The following LHPP variants were observed in gnomAD, a reference collection of about 807,000 sequenced individuals.
LHPP encodes phospholysine phosphohistidine inorganic pyrophosphate phosphatase, also known as hLHPP.
In LHPP, 24 loss-of-function variants were observed where a neutral mutation model predicts 30.3. That is an observed-to-expected ratio of 0.79 (90% CI 0.57 to 1.11). The LOEUF (loss-of-function observed/expected upper bound fraction) is 1.11. Ranked by LOEUF, LHPP falls within the 50% of genes most tolerant of loss-of-function variation. LHPP has a pLI of 0.00. For missense variants in LHPP, 356 were observed against 367.2 expected (o/e 0.97, Z 0.25); for synonymous variants, 150 against 157.1 (o/e 0.95, Z 0.34).
At chr10:124,516,632 C>T (rs1954461698) in intron 5 of LHPP, among the ~76,000 whole-genome samples, 1 of 152,136 alleles carries the variant, frequency 6.6e-6, no homozygotes, top group Admixed American at 6.5e-5. Flanking sequence ...GAGAGTTTAT[C>T]CCAGAGGCTA....
At chr10:124,601,555 C>T (rs1949021319) in intron 6 of LHPP, among the ~76,000 whole-genome samples, 1 of 152,226 alleles carries the variant, frequency 6.6e-6, no homozygotes. Flanking sequence ...CACCACCAGT[C>T]CCTCTCAGTG....
chr10:124,527,059 C>T (rs1232433543), intron 6 of LHPP, among the ~76,000 whole-genome samples: 3 of 152,188 alleles, frequency 2.0e-5, no homozygotes, highest in Non-Finnish European at 4.4e-5. Context: ...AGAGCCTGCC[C>T]GCCACAGAGC....
intron 6 of LHPP, among the ~76,000 whole-genome samples, chr10:124,539,292 T>A (rs1955115265): frequency 1.3e-5 from 2 of 152,226 alleles, no homozygotes; most frequent in Non-Finnish European, 2.9e-5. Flanking sequence ...GGCCACGTCC[T>A]GCTCAGGGCA....
In LHPP at chr10:124,610,983, G is replaced by A. The variant is rs76105308; in HGVS notation, c.717-2281G>A. On this transcript the variant is annotated intron_variant, in intron 6 of 6. Transcript: ENST00000368842. The stretch of plus-strand genomic sequence containing the variant: ...GGTGAGGGTGCGGGTGAGGGTGCTG[G>A]TGGAGCGGGTGAGGGTGTTAATGAA... Among the ~76,000 whole-genome samples, 35 of 69,160 alleles carry A rather than the reference G, an allele frequency of 5.1e-4. 2 individuals carry two copies. Among genetic ancestry groups the A allele is most frequent in the Middle Eastern group, 8.9e-3 (1 of 112 alleles). 45.4% of individuals were successfully genotyped at this position (69,160 alleles called of 152,430 possible).
At chr10:124,601,402 C>T (rs1448410268) in intron 6 of LHPP, among the ~76,000 whole-genome samples, 1 of 152,212 alleles carries the variant, frequency 6.6e-6, no homozygotes, top group Non-Finnish European at 1.5e-5. Flanking sequence ...GGGGGCCTTA[C>T]GTACGTGAAT....
rs1564767856 is a variant in LHPP at position 124,471,462 on chromosome 10, TATTTATATATTATATA to T, written c.125+9476_125+9491del. Among the ~76,000 whole-genome samples, 25 of 5,746 alleles carry T rather than the reference TATTTATATATTATATA, an allele frequency of 4.4e-3. 5 individuals are homozygous for T. The highest frequency in any genetic ancestry group is 0.02 in the Admixed American group (3 of 150). 3.8% of individuals were successfully genotyped at this position (5,746 alleles called of 152,430 possible). On this transcript the variant is annotated intron_variant, in intron 1 of 6. Transcript: ENST00000368842. ...TTATATATATTTATATATTTATATA[TATTTATATATTATATA>T]TATTTATATATTTATATATATTTAT...
At chr10:124,610,346 GGTGAGGGT>G (rs1949157428) in intron 6 of LHPP, among the ~76,000 whole-genome samples, 1 of 146,772 alleles carries the variant, frequency 6.8e-6, no homozygotes, top group African/African-American at 2.6e-5. Flanking sequence ...TGATGGAGCG[GGTGAGGGT>G]GCGGGTGAGG....
In LHPP at chr10:124,593,931, C is replaced by T. The variant is rs76617240; in HGVS notation, c.717-19333C>T. Among the ~76,000 whole-genome samples, 2,321 of 152,356 alleles carry T rather than the reference C, an allele frequency of 0.015. 57 individuals carry two copies. Among genetic ancestry groups the T allele is most frequent in the African/African-American group, 0.052 (2,176 of 41,586 alleles). On this transcript the variant is annotated intron_variant, in intron 6 of 6. Coordinates refer to ENST00000368842, the MANE Select transcript of LHPP (RefSeq NM_022126.4). The surrounding 1 kb of genome is among the most constrained non-coding windows in gnomAD (Gnocchi z 4.9). ...CTCCCACAGCTATTGAACACCAGGT[C>T]CTTGCTGCGTCTGGCTGGGCTGCAG...
intron 6 of LHPP, among the ~76,000 whole-genome samples, chr10:124,529,173 A>C (rs1435668206): frequency 1.3e-5 from 2 of 151,368 alleles, no homozygotes; most frequent in African/African-American, 4.9e-5. Context: ...CTGGGACTAC[A>C]GGCACCCACC....
chr10:124,561,548 A>G (rs952288845), intron 6 of LHPP, among the ~76,000 whole-genome samples: 1 of 151,864 alleles, frequency 6.6e-6, no homozygotes, highest in Non-Finnish European at 1.5e-5. Context: ...AACAGTGACA[A>G]TGGAGCCCGC....
intron 6 of LHPP, among the ~76,000 whole-genome samples, chr10:124,525,907 T>C (rs1157055448): frequency 6.6e-6 from 1 of 151,922 alleles, no homozygotes; most frequent in East Asian, 1.9e-4. Flanking sequence ...GGAAAACCGG[T>C]GGGCTGAGGG....
rs201225627 is a variant in LHPP, at chr10:124,498,107, G to A, written c.603G>A (p.Ala201=). Residue 201 remains alanine (A), a synonymous_variant, in exon 5 of 7, where the codon GCG becomes GCA. Transcript: ENST00000368842. ...AGTTTTTCAAGTCTGCCCTGCAAGC[G>A]ATAGGAGTGGAAGCCCACCAGGTAG... The part of the protein sequence containing the change: ...SPEFFKSALQ[A]IGVEAHQAVM... 5.0e-6 allele frequency: 8 copies of A among 1,613,666 alleles called. No individual in the cohort carries two copies. Among genetic ancestry groups the A allele is most frequent in the Admixed American group, 3.3e-5 (2 of 59,994 alleles).
intron 6 of LHPP, among the ~76,000 whole-genome samples, chr10:124,530,759 C>G (rs1310249001): frequency 6.6e-6 from 1 of 152,232 alleles, no homozygotes; most frequent in Non-Finnish European, 1.5e-5. Flanking sequence ...GACACTGACC[C>G]TCTCCTCTGC....
At chr10:124,604,005 A>G (rs1038281170) in intron 6 of LHPP, among the ~76,000 whole-genome samples, 3 of 152,228 alleles carry the variant, frequency 2.0e-5, no homozygotes, top group African/African-American at 7.2e-5. Context: ...GGACCAGGTC[A>G]GAGTCCTTTG....
chr10:124,526,421 C>A (rs147755509), intron 6 of LHPP, among the ~76,000 whole-genome samples: 56 of 152,302 alleles, frequency 3.7e-4, no homozygotes, highest in African/African-American at 1.2e-3. Context: ...TGCCCAAGGC[C>A]ACACAGCCTA....
At chr10:124,575,660 CTT>C (rs889105548) in intron 6 of LHPP, among the ~76,000 whole-genome samples, 1 of 152,134 alleles carries the variant, frequency 6.6e-6, no homozygotes, top group Non-Finnish European at 1.5e-5. Context: ...CTGGCTGGCC[CTT>C]GTGTCTGTCT....
Position 124,517,322 on chromosome 10 carries a change from C to A in LHPP, c.716+51C>A. The A allele has an allele frequency of 8.6e-7, 1 of 1,163,448 alleles. No homozygotes were observed. Among genetic ancestry groups the A allele is most frequent in the South Asian group, 1.5e-5 (1 of 67,914 alleles). The allele number at this position is 1,163,448 out of a possible 1,614,324, so 72.1% of individuals were successfully genotyped here. ...TCACCTTCCTTCCAGGGGATGACCA[C>A]ATTCTCATTCTGTTTTGTTCTTCAA... On this transcript the variant is annotated intron_variant, in intron 6 of 6. Coordinates refer to ENST00000368842, the MANE Select transcript of LHPP (RefSeq NM_022126.4). The surrounding 1 kb of genome is among the most constrained non-coding windows in gnomAD (Gnocchi z 4.1).
Position 124,476,239 on chromosome 10 carries a change from C to T in LHPP, c.126-7900C>T, listed in dbSNP as rs547193468. ...CAGCTCCTGCGTCACTGTGTCTCTT[C>T]TCTCCATTCAAACTTTGGACTCTGA... On this transcript the variant is annotated intron_variant, in intron 1 of 6. Coordinates refer to ENST00000368842, the MANE Select transcript of LHPP (RefSeq NM_022126.4). Among the ~76,000 whole-genome samples, 3 of 152,310 alleles carry T rather than the reference C, an allele frequency of 2.0e-5. No homozygotes were observed. The East Asian group carries it at 5.8e-4, about 29-fold the overall frequency.
intron 6 of LHPP, among the ~76,000 whole-genome samples, chr10:124,566,185 C>T (rs1196608941): frequency 6.6e-6 from 1 of 152,200 alleles, no homozygotes; most frequent in Non-Finnish European, 1.5e-5. Context: ...TTGAAGTGGG[C>T]CAGGTCCTGG....
Sources: gnomAD v4.1 joint callset for allele counts (sites outside exome capture counted in the v4.1 genomes callset) on GRCh38, gnomAD v4.1.1 for gene constraint, Gnocchi (gnomAD v3.1) non-coding constraint, MANE v1.5 for transcripts, NCBI Gene and HGNC (gene_info 2026-07-23, HGNC 2026-07-21) for gene names.